ZFPM1: variants seen among roughly 807,000 people sequenced by gnomAD.
ZFPM1 encodes zinc finger protein, FOG family member 1.
ZFPM1 carries 28 observed loss-of-function variants against 46.3 expected under a neutral mutation model. That is an observed-to-expected ratio of 0.60 (90% confidence interval 0.45 to 0.83). The LOEUF (loss-of-function observed/expected upper bound fraction) is 0.83. Among genes scored for constraint, ZFPM1 ranks in the 40% least tolerant of loss-of-function variants. ZFPM1 has a pLI of 0.00. For missense variants in ZFPM1, 1,878 were observed against 1,432.4 expected (o/e 1.31, Z -5.02); for synonymous variants, 957 against 675.9 (o/e 1.42, Z -6.45).
intron 6 of ZFPM1, among the ~76,000 whole-genome samples, chr16:88,529,281 G>A (rs1285513304): frequency 6.6e-6 from 1 of 152,262 alleles, no homozygotes; most frequent in Non-Finnish European, 1.5e-5. Flanking sequence ...GACGGCACCG[G>A]ATGGCGTTTG....
At chr16:88,525,955 G>T (rs747556575) in intron 4 of ZFPM1, among the ~76,000 whole-genome samples, 1 of 152,242 alleles carries the variant, frequency 6.6e-6, no homozygotes, top group African/African-American at 2.4e-5. Context: ...GGCATGGCCC[G>T]AGGCACTGGC....
chr16:88,496,309 G>C (rs1459252031), intron 3 of ZFPM1, among the ~76,000 whole-genome samples: 1 of 152,088 alleles, frequency 6.6e-6, no homozygotes, highest in East Asian at 1.9e-4. Context: ...GGGGTTCCAG[G>C]CTGGAGCCTG....
chr16:88,500,594 C>T (rs1484397548), intron 3 of ZFPM1, among the ~76,000 whole-genome samples: 1 of 152,288 alleles, frequency 6.6e-6, no homozygotes, highest in Non-Finnish European at 1.5e-5. Context: ...CTTGCTAGGA[C>T]TGTTGCTGCC....
At chr16:88,505,332 C>T (rs1910589691) in intron 3 of ZFPM1, among the ~76,000 whole-genome samples, 1 of 152,184 alleles carries the variant, frequency 6.6e-6, no homozygotes, top group African/African-American at 2.4e-5. Context: ...TCCCCAGGGT[C>T]CTCTGGCTGG....
intron 1 of ZFPM1, among the ~76,000 whole-genome samples, chr16:88,472,741 C>T (rs1037554924): frequency 1.6e-4 from 25 of 152,258 alleles, no homozygotes; most frequent in African/African-American, 5.5e-4. Context: ...CAAGTGCATT[C>T]GGTGCTGGGA....
In ZFPM1 at chr16:88,532,161, T is replaced by C; in HGVS notation, c.872T>C (p.Val291Ala). Residue 291 changes from valine to alanine, a missense_variant, in exon 7 of 10, where the codon GTC becomes GCC. Coordinates refer to ENST00000319555, the MANE Select transcript of ZFPM1 (RefSeq NM_153813.3). ...KPKETYPNER[V>A]CPFPQCRKSC... ...AAAGAGACCTACCCCAACGAGCGCG[T>C]CTGCCCCTTCCCCCAGTGCCGCAAG... 1 of 1,612,368 alleles carries C rather than the reference T, an allele frequency of 6.2e-7. No homozygotes were observed. Among genetic ancestry groups the C allele is most frequent in the Middle Eastern group, 1.7e-4 (1 of 6,058 alleles).
At chr16:88,495,935 C>T (rs1263916527) in intron 3 of ZFPM1, among the ~76,000 whole-genome samples, 1 of 152,188 alleles carries the variant, frequency 6.6e-6, no homozygotes, top group Non-Finnish European at 1.5e-5. Flanking sequence ...GAGGTGGGAG[C>T]TGGGGTGGTC....
intron 3 of ZFPM1, among the ~76,000 whole-genome samples, chr16:88,505,773 C>G (rs970339313): frequency 1.3e-5 from 2 of 152,184 alleles, no homozygotes; most frequent in Non-Finnish European, 2.9e-5. Context: ...GGCAAGGAGA[C>G]CACCGTGCTG....
intron 1 of ZFPM1, among the ~76,000 whole-genome samples, chr16:88,467,808 C>A (rs191407009): frequency 6.6e-6 from 1 of 152,108 alleles, no homozygotes; most frequent in East Asian, 1.9e-4. Context: ...GTGTTTTCTA[C>A]TCTACCACCC....
At position 88,533,976 on chromosome 16, in the gene ZFPM1, T is replaced by TGGACGACGCGGA. The variant is rs751665080; in HGVS notation, c.2026_2037dup (p.Ala676_Asp679dup). 9.8e-6 allele frequency: 13 copies of TGGACGACGCGGA among 1,331,932 alleles called. No homozygotes were observed. In the Admixed American group the frequency reaches 3.2e-4, roughly 33 times the overall value. 82.5% of individuals were successfully genotyped at this position (1,331,932 alleles called of 1,614,324 possible). On this transcript the variant is annotated inframe_insertion, in exon 10 of 10. Coordinates refer to ENST00000319555, the MANE Select transcript of ZFPM1 (RefSeq NM_153813.3). ...GGCAGCCAGAGCCCGGGTAGCTCCGTGGACGACGCGGAGGACGACCCCAGC... is the reference window on the plus strand; with the variant it reads ...GGCAGCCAGAGCCCGGGTAGCTCCGTGGACGACGCGGAGGACGACGCGGAGGACGACCCCAGC...
In ZFPM1 at chr16:88,534,289, C is replaced by T. The variant is rs1282845013; in HGVS notation, c.2331C>T (p.Ser777=). 4 of 1,177,606 alleles carry T rather than the reference C, an allele frequency of 3.4e-6. No homozygotes were observed. The highest frequency in any genetic ancestry group is 3.1e-6 in the Non-Finnish European group (3 of 956,488). The allele number at this position is 1,177,606 out of a possible 1,614,324, so 72.9% of individuals were successfully genotyped here. A position where few individuals can be genotyped will look rare whatever the true frequency, so the allele number is the denominator to read the frequency against. Residue 777 remains serine (S), a synonymous_variant, in exon 10 of 10, where the codon AGC becomes AGT. Transcript: ENST00000319555. ...CGCGGCCCGGAAGCGGAAGCGGAAGCGGCCCCGGCCTCGCCCCTGCGCGCT... is the reference window on the plus strand; with the variant it reads ...CGCGGCCCGGAAGCGGAAGCGGAAGTGGCCCCGGCCTCGCCCCTGCGCGCT... ...ESPRPGSGSG[S]GPGLAPARSP...
At chr16:88,490,530 A>C (rs149706994) in intron 3 of ZFPM1, among the ~76,000 whole-genome samples, 237 of 152,316 alleles carry the variant, frequency 1.6e-3, no homozygotes, top group African/African-American at 5.5e-3. Flanking sequence ...CAGAGGGACC[A>C]CATTCCTTCC....
At chr16:88,478,502 C>G (rs968535717) in intron 1 of ZFPM1, among the ~76,000 whole-genome samples, 1 of 152,262 alleles carries the variant, frequency 6.6e-6, no homozygotes, top group Non-Finnish European at 1.5e-5. Context: ...TGCCGGCATC[C>G]CTGTAAGGGG....
chr16:88,467,923 G>T (rs900204165), intron 1 of ZFPM1, among the ~76,000 whole-genome samples: 1 of 152,038 alleles, frequency 6.6e-6, no homozygotes, highest in African/African-American at 2.4e-5. Flanking sequence ...CGAGCTGAGC[G>T]GCCCCCCTTC....
At chr16:88,466,954 C>A (rs184609715) in intron 1 of ZFPM1, among the ~76,000 whole-genome samples, 1 of 152,056 alleles carries the variant, frequency 6.6e-6, no homozygotes, top group African/African-American at 2.4e-5. Flanking sequence ...GCTCAGTGAA[C>A]CCCAAAACGG....
chr16:88,512,558 C>G (rs951265411), intron 3 of ZFPM1, among the ~76,000 whole-genome samples: 1 of 152,068 alleles, frequency 6.6e-6, no homozygotes, highest in African/African-American at 2.4e-5. Flanking sequence ...CCCTGCCCCC[C>G]AGGCCCCAGC....
At chr16:88,465,147 C>T (rs1176535689) in intron 1 of ZFPM1, among the ~76,000 whole-genome samples, 1 of 152,260 alleles carries the variant, frequency 6.6e-6, no homozygotes, top group Non-Finnish European at 1.5e-5. Context: ...ATCCGGCCTA[C>T]ACCGCAGCGG....
intron 1 of ZFPM1, among the ~76,000 whole-genome samples, chr16:88,463,836 CTG>C (rs1487920582): frequency 5.3e-5 from 8 of 152,358 alleles, no homozygotes; most frequent in African/African-American, 1.7e-4. Flanking sequence ...GGCCTCAAAA[CTG>C]TGTCCTCTGG....
chr16:88,532,882 A>G lies in ZFPM1; in HGVS notation c.1136A>G (p.Lys379Arg). The G allele has an allele frequency of 6.2e-7, 1 of 1,613,338 alleles. No homozygotes were observed. The highest frequency in any genetic ancestry group is 8.5e-7 in the Non-Finnish European group (1 of 1,179,940). ...CACATGGTCTGCCAGCCTGGCTCCA[A>G]GGGTGAGATCTACTCGCCAGGGGCC... ...TNHMVCQPGS[K>R]GEIYSPGAGH... Residue 379 changes from lysine to arginine, a missense_variant, in exon 9 of 10, where the codon AAG (lysine) becomes AGG (arginine). Transcript: ENST00000319555.
Sources: gnomAD v4.1 joint callset for allele counts (sites outside exome capture counted in the v4.1 genomes callset) on GRCh38, gnomAD v4.1.1 for gene constraint, MANE v1.5 for transcripts, NCBI Gene and HGNC (gene_info 2026-07-23, HGNC 2026-07-21) for gene names.